Variants in RAB11FIP4 observed in about 807,000 individuals in gnomAD.
RAB11FIP4 encodes the protein rab11 family-interacting protein 4.
RAB11FIP4 carries 23 observed loss-of-function variants against 74.3 expected under a neutral mutation model. The observed-to-expected ratio is 0.31, with a 90% CI of 0.22 to 0.44. RAB11FIP4 has a LOEUF of 0.44. Ranked by LOEUF, RAB11FIP4 falls within the 20% of genes least tolerant of loss-of-function variation. The pLI is 1.00. For missense variants in RAB11FIP4, 630 were observed against 863.9 expected (o/e 0.73, Z 3.39); for synonymous variants, 360 against 359.9 (o/e 1.00, Z 0.00).
intron 3 of RAB11FIP4, among the ~76,000 whole-genome samples, chr17:31,501,966 T>C (rs1165159421): frequency 6.6e-6 from 1 of 152,142 alleles, no homozygotes; most frequent in Non-Finnish European, 1.5e-5. Context: ...TGGCCTGTAA[T>C]CCCAGCACGT....
At chr17:31,523,434 T>C in intron 7 of RAB11FIP4, 78 bp from the exon 8 acceptor site, 1 of 1,154,464 alleles carries the variant, frequency 8.7e-7, no homozygotes, top group South Asian at 1.2e-5. Flanking sequence ...TACTGGATGC[T>C]CGCCTAGCCA....
At chr17:31,472,020 G>A (rs1183340245) in intron 3 of RAB11FIP4, among the ~76,000 whole-genome samples, 1 of 152,116 alleles carries the variant, frequency 6.6e-6, no homozygotes, top group Non-Finnish European at 1.5e-5. Context: ...AAATTAGCCG[G>A]GCGTGGTGGC....
intron 3 of RAB11FIP4, among the ~76,000 whole-genome samples, chr17:31,448,243 CTT>C (rs1455961921): frequency 6.6e-6 from 1 of 151,594 alleles, no homozygotes; most frequent in African/African-American, 2.4e-5. Flanking sequence ...TTTTGTTTTC[CTT>C]TTCTTTTTTT....
intron 3 of RAB11FIP4, among the ~76,000 whole-genome samples, chr17:31,445,530 T>TATATATATATATATATATA (rs2071443149): frequency 2.7e-5 from 1 of 36,760 alleles, no homozygotes; most frequent in Non-Finnish European, 4.5e-5. Context: ...ATTTTCCCAA[T>TATATATATATATATATATA]TTTATATATA....
chr17:31,441,952 T>C (rs777458252), intron 3 of RAB11FIP4, among the ~76,000 whole-genome samples: 2 of 152,148 alleles, frequency 1.3e-5, no homozygotes, highest in East Asian at 3.8e-4. Flanking sequence ...TTTCATCACA[T>C]GAAGACAACC....
chr17:31,473,255 C>T (rs1450704349), intron 3 of RAB11FIP4, among the ~76,000 whole-genome samples: 1 of 151,628 alleles, frequency 6.6e-6, no homozygotes, highest in Non-Finnish European at 1.5e-5. Context: ...TAAAAATATC[C>T]CTGGCCAGTC....
chr17:31,414,983 C>G (rs982647298), intron 1 of RAB11FIP4, among the ~76,000 whole-genome samples: 1 of 152,210 alleles, frequency 6.6e-6, no homozygotes, highest in Non-Finnish European at 1.5e-5. Context: ...ATTGAGCTTC[C>G]CAGCGTTGAC....
At chr17:31,437,654 C>A (rs77414279) in intron 3 of RAB11FIP4, among the ~76,000 whole-genome samples, 5,625 of 152,272 alleles carry the variant, frequency 0.037, 177 homozygotes, top group Non-Finnish European at 0.059. Flanking sequence ...AGCCCCCTCC[C>A]CTCAGGGTGT....
In RAB11FIP4 at chr17:31,424,951, G is replaced by C. The variant is rs148507293; in HGVS notation, c.160-6862G>C. On this transcript the variant is annotated intron_variant, in intron 1 of 14. Transcript: ENST00000621161. ...ATGCCAGTTTTTCTAGATTAAAAGA[G>C]AGCAGAATACAGATTTATTCTTTCT... 9.8e-3 allele frequency among the ~76,000 whole-genome samples: 1,498 copies of C among 152,306 alleles called. 20 individuals carry two copies. The highest frequency in any genetic ancestry group is 0.03 in the African/African-American group (1,254 of 41,562).
intron 3 of RAB11FIP4, among the ~76,000 whole-genome samples, chr17:31,505,936 T>C (rs2072340790): frequency 6.7e-6 from 1 of 149,374 alleles, no homozygotes. Flanking sequence ...GGCCTGGAGC[T>C]CCTGGCCACC....
At chr17:31,467,267 A>G (rs1044875608) in intron 3 of RAB11FIP4, among the ~76,000 whole-genome samples, 4 of 151,912 alleles carry the variant, frequency 2.6e-5, no homozygotes, top group Non-Finnish European at 5.9e-5. Context: ...GCATGCCACC[A>G]CACCCAGCTA....
At chr17:31,458,315 C>T (rs74820909) in intron 3 of RAB11FIP4, among the ~76,000 whole-genome samples, 3,325 of 152,292 alleles carry the variant, frequency 0.022, 112 homozygotes, top group African/African-American at 0.076. Context: ...TTGGGAGCTG[C>T]GCATCAGGAG....
intron 1 of RAB11FIP4, among the ~76,000 whole-genome samples, chr17:31,405,107 T>A (rs2071030281): frequency 6.6e-6 from 1 of 150,738 alleles, no homozygotes; most frequent in Non-Finnish European, 1.5e-5. Flanking sequence ...AGAAGTAGCG[T>A]GGGTTGGGGA....
At chr17:31,476,335 C>A (rs1319668781) in intron 3 of RAB11FIP4, among the ~76,000 whole-genome samples, 2 of 151,890 alleles carry the variant, frequency 1.3e-5, no homozygotes, top group Non-Finnish European at 2.9e-5. Flanking sequence ...CAGGCACGTG[C>A]CATCACGCCC....
At chr17:31,400,376 AC>A (rs2151614266) in intron 1 of RAB11FIP4, among the ~76,000 whole-genome samples, 1 of 152,354 alleles carries the variant, frequency 6.6e-6, no homozygotes, top group African/African-American at 2.4e-5. Flanking sequence ...GCTTAGAGGC[AC>A]AGTGAGCCCG....
In RAB11FIP4 at chr17:31,480,793, C is replaced by CAA. The variant is rs36097331; in HGVS notation, c.337-36836_337-36835dup. ...CAGAGCCAGACTCCAGACTCCGTCT[C>CAA]AAAAAAAAAAAAAAAAAAAAAAAGA... On this transcript the variant is annotated intron_variant, in intron 3 of 14. Transcript: ENST00000621161. Among the ~76,000 whole-genome samples the CAA allele has an allele frequency of 6.2e-4, 46 of 73,756 alleles. 1 individual carries two copies. Among genetic ancestry groups the CAA allele is most frequent in the South Asian group, 9.8e-4 (2 of 2,046 alleles). 48.4% of individuals were successfully genotyped at this position (73,756 alleles called of 152,430 possible).
At chr17:31,457,841 C>T (rs920677684) in intron 3 of RAB11FIP4, among the ~76,000 whole-genome samples, 1 of 152,108 alleles carries the variant, frequency 6.6e-6, no homozygotes, top group Non-Finnish European at 1.5e-5. Context: ...ACTATCCTCC[C>T]TTCCTCTCTC....
chr17:31,528,549 T>G lies in RAB11FIP4; in HGVS notation c.1494+6T>G. 6.2e-7 allele frequency: 1 copy of G among 1,613,678 alleles called. No individual in the cohort carries two copies. Among genetic ancestry groups the G allele is most frequent in the Non-Finnish European group, 8.5e-7 (1 of 1,179,954 alleles). ...AGCGGGAGGCGACGCAGGAGGTAGGTCCCAGGCCAGCAGGCACCAGGGCTC... is the reference window on the plus strand; with the variant it reads ...AGCGGGAGGCGACGCAGGAGGTAGGGCCCAGGCCAGCAGGCACCAGGGCTC... On this transcript the variant is annotated splice_donor_region_variant and intron_variant, in intron 12 of 14. Transcript: ENST00000621161.
intron 1 of RAB11FIP4, among the ~76,000 whole-genome samples, chr17:31,409,776 G>A (rs2071076431): frequency 6.6e-6 from 1 of 152,204 alleles, no homozygotes; most frequent in African/African-American, 2.4e-5. Flanking sequence ...GGGGCACAGT[G>A]TTACTTAACC....
Sources: allele counts gnomAD v4.1 joint callset (sites outside exome capture counted in the v4.1 genomes callset), GRCh38; gene constraint gnomAD v4.1.1; transcripts MANE v1.5; gene names NCBI Gene and HGNC (gene_info 2026-07-23, HGNC 2026-07-21).